Variants in FGF1 observed in about 807,000 individuals in gnomAD.
FGF1 encodes the protein beta-endothelial cell growth factor.
A neutral mutation model predicts 13.4 loss-of-function variants in FGF1; 9 were observed. That is an observed-to-expected ratio of 0.67 (90% CI 0.40 to 1.17). FGF1 has a LOEUF of 1.17. Among genes scored for constraint, FGF1 ranks in the 50% most tolerant of loss-of-function variants. The pLI is 0.01. For synonymous variants in FGF1, 93 were observed against 79.0 expected (o/e 1.18, Z -0.94); for missense variants, 156 against 192.7 (o/e 0.81, Z 1.13).
chr5:142,675,241 A>C (rs1053039943), intron 1 of FGF1, among the ~76,000 whole-genome samples: 9 of 152,168 alleles, frequency 5.9e-5, no homozygotes, highest in African/African-American at 2.2e-4. Flanking sequence ...CCTTCTGTAC[A>C]GGAGAAAATC....
rs1754535502 is a variant in FGF1 at position 142,592,862 on chromosome 5, C to A, written c.*2428G>T. ...TGGGATTTGCTTTATTCAGCAGGAA[C>A]CTACAAAGTCTGTGTTTATTCTTGA... On this transcript the variant is annotated 3_prime_UTR_variant, in exon 4 of 4. Transcript: ENST00000337706. 1 of 157,928 alleles carries A rather than the reference C, an allele frequency of 6.3e-6. No individual in the cohort carries two copies. Among genetic ancestry groups the A allele is most frequent in the Non-Finnish European group, 1.4e-5 (1 of 72,142 alleles). 9.8% of individuals were successfully genotyped at this position (157,928 alleles called of 1,614,324 possible).
At chr5:142,662,168 G>A (rs972896519) in intron 1 of FGF1, among the ~76,000 whole-genome samples, 4 of 152,180 alleles carry the variant, frequency 2.6e-5, no homozygotes, top group African/African-American at 7.2e-5. Context: ...TGATTCATAT[G>A]TGTCCTGAGA....
intron 2 of FGF1, among the ~76,000 whole-genome samples, chr5:142,612,620 T>C (rs999322931): frequency 6.6e-6 from 1 of 152,084 alleles, no homozygotes. Flanking sequence ...CTAGAGTCTT[T>C]TTTTTTTGCC....
At chr5:142,684,153 T>C (rs1235639707) in intron 1 of FGF1, among the ~76,000 whole-genome samples, 1 of 152,232 alleles carries the variant, frequency 6.6e-6, no homozygotes, top group Non-Finnish European at 1.5e-5. Flanking sequence ...AAGATCCTAA[T>C]AGTTTATGTG....
chr5:142,603,497 TTC>T (rs1387836243), intron 2 of FGF1, among the ~76,000 whole-genome samples: 1 of 152,166 alleles, frequency 6.6e-6, no homozygotes, highest in Non-Finnish European at 1.5e-5. Context: ...ACTGATCTAT[TTC>T]TGCCTCCTCA....
chr5:142,669,526 G>T lies in FGF1; in HGVS notation c.-35+16431C>A, dbSNP rs114080070. On this transcript the variant is annotated intron_variant, in intron 1 of 3. Transcript: ENST00000337706. ...GACACTCCAGGAGAAGAATGAAGAG[G>T]ATTCTGCAAAGGAGTAATCAGAGGT... Among the ~76,000 whole-genome samples, 708 of 152,020 alleles carry T rather than the reference G, an allele frequency of 4.7e-3. 6 individuals carry two copies. Among genetic ancestry groups the T allele is most frequent in the African/African-American group, 0.016 (675 of 41,358 alleles).
At chr5:142,659,264 C>G (rs1455089147) in intron 1 of FGF1, among the ~76,000 whole-genome samples, 2 of 143,748 alleles carry the variant, frequency 1.4e-5, no homozygotes, top group African/African-American at 5.3e-5. Flanking sequence ...GGGTCTCGCT[C>G]TGTCGCCAGG....
chr5:142,611,079 A>C (rs548780618), intron 2 of FGF1, among the ~76,000 whole-genome samples: 13 of 152,348 alleles, frequency 8.5e-5, no homozygotes, highest in African/African-American at 3.1e-4. Context: ...CTGTCACTTC[A>C]GTCTCTAATT....
rs186026254 is a variant in FGF1 at position 142,630,551 on chromosome 5, C to G, written c.-34-16390G>C. Among the ~76,000 whole-genome samples, 661 of 152,274 alleles carry G rather than the reference C, an allele frequency of 4.3e-3. 4 individuals are homozygous for G. Among genetic ancestry groups the G allele is most frequent in the African/African-American group, 0.015 (621 of 41,556 alleles). ...CTTTCCATTTCCATAAAGTAAAATC[C>G]AAACCCTTACCATGGCCTATGAGAC... On this transcript the variant is annotated intron_variant, in intron 1 of 3. Coordinates refer to ENST00000337706, the MANE Select transcript of FGF1 (RefSeq NM_000800.5).
chr5:142,696,684 C>T (rs889779629), intron 2 of FGF1, among the ~76,000 whole-genome samples: 5 of 152,184 alleles, frequency 3.3e-5, no homozygotes. Context: ...GCCCCTGGAT[C>T]TCATGATACC....
At chr5:142,642,126 G>A (rs561154806) in intron 1 of FGF1, among the ~76,000 whole-genome samples, 1 of 152,312 alleles carries the variant, frequency 6.6e-6, no homozygotes, top group African/African-American at 2.4e-5. Context: ...TCTTCTAGGA[G>A]GAGCACAATA....
At chr5:142,625,703 A>G (rs59456153) in intron 1 of FGF1, among the ~76,000 whole-genome samples, 6,450 of 152,294 alleles carry the variant, frequency 0.042, 497 homozygotes, top group African/African-American at 0.15. Context: ...GCCAAATGCA[A>G]AGTGATTCTG....
At chr5:142,688,015 A>G (rs998090692), upstream of FGF1, among the ~76,000 whole-genome samples, 5 of 152,380 alleles carry the variant, frequency 3.3e-5, no homozygotes, top group Middle Eastern at 3.4e-3. Flanking sequence ...CCTTGAACGC[A>G]GGGAATGCAA....
In FGF1 at chr5:142,667,601, A is replaced by AAAAAAAG. The variant is rs1282283591; in HGVS notation, c.-35+18355_-35+18356insCTTTTTT. On this transcript the variant is annotated intron_variant, in intron 1 of 3. Transcript: ENST00000337706. ...ACTCCGTCTCAAAAAAAAAAAAAAA[A>AAAAAAAG]AAAGAAAGAAATACAGCAAGGAAAA... Among the ~76,000 whole-genome samples, 36 of 151,938 alleles carry AAAAAAAG rather than the reference A, an allele frequency of 2.4e-4. No homozygotes were observed. The East Asian group carries it at 4.4e-3, about 19-fold the overall frequency.
Position 142,693,449 on chromosome 5 carries a change from AC to A in FGF1, c.-35+4172del, listed in dbSNP as rs373834094. Among the ~76,000 whole-genome samples, 849 of 151,870 alleles carry A rather than the reference AC, an allele frequency of 5.6e-3. 6 individuals carry two copies. The highest frequency in any genetic ancestry group is 0.02 in the African/African-American group (814 of 41,414). Reference sequence around the variant, plus strand: ...TGGGATTACAGGCGTGCGCCACCACACCCGGCTAATTTTTGTATTTTTAGTA... The same window carrying A: ...TGGGATTACAGGCGTGCGCCACCACACCGGCTAATTTTTGTATTTTTAGTA... On this transcript the variant is annotated intron_variant, in intron 2 of 4. Transcript: ENST00000407758.
intron 1 of FGF1, among the ~76,000 whole-genome samples, chr5:142,664,749 T>C (rs1040311305): frequency 1.3e-5 from 2 of 152,200 alleles, no homozygotes; most frequent in African/African-American, 2.4e-5. Context: ...TGAGTCTTTT[T>C]CCTGGTGGAT....
At chr5:142,693,624 T>G (rs1178545785) in intron 2 of FGF1, among the ~76,000 whole-genome samples, 1 of 152,220 alleles carries the variant, frequency 6.6e-6, no homozygotes, top group Non-Finnish European at 1.5e-5. Flanking sequence ...CCATCACAAC[T>G]ATAATTTTAG....
chr5:142,672,122 A>G (rs972797051), intron 1 of FGF1: 2 of 152,228 alleles, frequency 1.3e-5, no homozygotes, highest in Non-Finnish European at 2.9e-5. Context: ...ATATATGTGC[A>G]TAAATAGATA....
intron 1 of FGF1, among the ~76,000 whole-genome samples, chr5:142,685,160 T>C (rs1376588086): frequency 6.6e-6 from 1 of 152,192 alleles, no homozygotes; most frequent in Non-Finnish European, 1.5e-5. Flanking sequence ...AATTGTGATG[T>C]GGGTGTGGAT....
Sources: gnomAD v4.1 joint callset for allele counts (sites outside exome capture counted in the v4.1 genomes callset) on GRCh38, gnomAD v4.1.1 for gene constraint, MANE v1.5 for transcripts, NCBI Gene and HGNC (gene_info 2026-07-23, HGNC 2026-07-21) for gene names.